Variants in EXOC4 observed in about 807,000 individuals in gnomAD.
EXOC4 encodes SEC8-like 1.
EXOC4 carries 71 observed loss-of-function variants against 107.2 expected under a neutral mutation model. That is an observed-to-expected ratio of 0.66 (90% CI 0.55 to 0.81). The LOEUF is 0.81. EXOC4 is among the 30% of genes least tolerant of loss of function. The pLI, the probability that EXOC4 is intolerant of heterozygous loss-of-function variation, is 0.00. For synonymous variants in EXOC4, 456 were observed against 441.2 expected (o/e 1.03, Z -0.42); for missense variants, 1,108 against 1,189.6 (o/e 0.93, Z 1.01).
intron 9 of EXOC4, among the ~76,000 whole-genome samples, chr7:133,608,355 C>T (rs1385039448): frequency 1.3e-4 from 19 of 151,696 alleles, no homozygotes; most frequent in Non-Finnish European, 1.5e-5. Context: ...CAGAATAGAT[C>T]TATATTTGTT....
intron 16 of EXOC4, among the ~76,000 whole-genome samples, chr7:134,006,292 AAAACAAAC>A (rs970274569): frequency 2.0e-5 from 3 of 151,996 alleles, no homozygotes; most frequent in Non-Finnish European, 2.9e-5. Flanking sequence ...TGTGGCAGCA[AAAACAAAC>A]AAACAAACAA....
chr7:133,346,556 A>C lies in EXOC4; in HGVS notation c.764-9774A>C, dbSNP rs1795788156. On this transcript the variant is annotated intron_variant, in intron 5 of 17. Transcript: ENST00000253861. ...GCACTCACATTATTTTTAAATGGTAACTTTCTTACTATTTTCTACTTGAGA... is the reference window on the plus strand; with the variant it reads ...GCACTCACATTATTTTTAAATGGTACCTTTCTTACTATTTTCTACTTGAGA... 2.0e-5 allele frequency among the ~76,000 whole-genome samples: 3 copies of C among 152,256 alleles called. No individual in the cohort carries two copies. In the South Asian group the frequency reaches 6.2e-4, roughly 32 times the overall value.
At chr7:134,044,706 G>T (rs1795605508) in intron 17 of EXOC4, among the ~76,000 whole-genome samples, 1 of 152,196 alleles carries the variant, frequency 6.6e-6, no homozygotes, top group Non-Finnish European at 1.5e-5. Context: ...CACACTTGGA[G>T]CAGTCATCTG....
In EXOC4 at chr7:133,685,062, T is replaced by A. The variant is rs193064568; in HGVS notation, c.1514+54921T>A. ...TCAATTTAGGCCTTTGTTCTTCCCATGGATAAAGTCTTCTAAAACATGAGT... is the reference window on the plus strand; with the variant it reads ...TCAATTTAGGCCTTTGTTCTTCCCAAGGATAAAGTCTTCTAAAACATGAGT... On this transcript the variant is annotated intron_variant, in intron 10 of 17. Transcript: ENST00000253861. Among the ~76,000 whole-genome samples the A allele has an allele frequency of 4.6e-5, 7 of 152,308 alleles. No homozygotes were observed. The East Asian group carries it at 1.3e-3, about 29-fold the overall frequency.
At chr7:133,949,738 A>T (rs913360247) in intron 14 of EXOC4, among the ~76,000 whole-genome samples, 3 of 151,262 alleles carry the variant, frequency 2.0e-5, no homozygotes, top group African/African-American at 7.3e-5. Flanking sequence ...TGCATTGTTC[A>T]TTATTTAGTG....
At chr7:133,842,270 G>C (rs1798038641) in intron 11 of EXOC4, among the ~76,000 whole-genome samples, 1 of 152,168 alleles carries the variant, frequency 6.6e-6, no homozygotes, top group African/African-American at 2.4e-5. Context: ...ATTTTCATCA[G>C]CAGTGTGTAA....
chr7:133,287,604 C>T (rs1439163539), intron 2 of EXOC4, among the ~76,000 whole-genome samples: 1 of 152,130 alleles, frequency 6.6e-6, no homozygotes, highest in East Asian at 1.9e-4. Flanking sequence ...TGAGCCACTG[C>T]GCCTGGCCTA....
At chr7:133,718,308 G>C (rs1285451323) in intron 10 of EXOC4, among the ~76,000 whole-genome samples, 6 of 152,168 alleles carry the variant, frequency 3.9e-5, no homozygotes. Context: ...GAATACAGAG[G>C]CTACTTAGGA....
At chr7:133,846,180 C>G (rs1798123834) in intron 11 of EXOC4, among the ~76,000 whole-genome samples, 1 of 152,196 alleles carries the variant, frequency 6.6e-6, no homozygotes, top group Admixed American at 6.5e-5. Context: ...CAAGCTGAGA[C>G]TAGAATTTCA....
intron 7 of EXOC4, among the ~76,000 whole-genome samples, chr7:133,435,914 G>A (rs1466599879): frequency 1.3e-5 from 2 of 151,792 alleles, no homozygotes; most frequent in Non-Finnish European, 2.9e-5. Context: ...TGAAGCAAGT[G>A]GGTTTTTTCT....
At chr7:133,469,669 A>G (rs1394310070) in intron 7 of EXOC4, among the ~76,000 whole-genome samples, 1 of 152,216 alleles carries the variant, frequency 6.6e-6, no homozygotes, top group Non-Finnish European at 1.5e-5. Context: ...CTATAAAGAC[A>G]TACTGCAAAC....
At position 133,931,769 on chromosome 7, in the gene EXOC4, T is replaced by C. The variant is rs147283218; in HGVS notation, c.2028-6122T>C. Among the ~76,000 whole-genome samples the C allele has an allele frequency of 2.4e-4, 36 of 152,332 alleles. No individual in the cohort carries two copies. In the East Asian group the frequency reaches 6.0e-3, roughly 25 times the overall value. ...GGAGAAGCTGTTCGAATCCTGGTGT[T>C]CTGCTACCAACCCAGCCTCCATAAG... On this transcript the variant is annotated intron_variant, in intron 13 of 17. Coordinates refer to ENST00000253861, the MANE Select transcript of EXOC4 (RefSeq NM_021807.4).
At chr7:133,558,243 TTTC>T (rs1438298692) in intron 9 of EXOC4, among the ~76,000 whole-genome samples, 1 of 147,432 alleles carries the variant, frequency 6.8e-6, no homozygotes, top group Non-Finnish European at 1.5e-5. Flanking sequence ...TTTCTTTTCT[TTTC>T]TTTTCTTTTC....
chr7:134,049,877 C>T (rs1161884680), intron 17 of EXOC4, among the ~76,000 whole-genome samples: 1 of 152,144 alleles, frequency 6.6e-6, no homozygotes, highest in Non-Finnish European at 1.5e-5. Context: ...TACAAAGAGT[C>T]ATAAGACACA....
At chr7:133,767,887 G>T (rs1413912438) in intron 10 of EXOC4, among the ~76,000 whole-genome samples, 1 of 151,976 alleles carries the variant, frequency 6.6e-6, no homozygotes, top group Non-Finnish European at 1.5e-5. Flanking sequence ...TCATAGTCTG[G>T]TAGACAACCT....
chr7:133,923,232 G>C (rs10251418), intron 13 of EXOC4, among the ~76,000 whole-genome samples: 1 of 150,750 alleles, frequency 6.6e-6, no homozygotes, highest in Non-Finnish European at 1.5e-5. Flanking sequence ...GGTTTCAAGA[G>C]ATTCTCCTGC....
At chr7:134,053,766 C>T (rs11977008) in intron 17 of EXOC4, among the ~76,000 whole-genome samples, 26,691 of 151,460 alleles carry the variant, frequency 0.18, 2,694 homozygotes, top group African/African-American at 0.27. Context: ...CCAGAATCTC[C>T]TTTAATCTTC....
intron 8 of EXOC4, among the ~76,000 whole-genome samples, chr7:133,475,774 A>G (rs1000208953): frequency 6.6e-6 from 1 of 152,186 alleles, no homozygotes. Flanking sequence ...ATTTTATATG[A>G]AATGAAAGGA....
chr7:134,013,528 ATAGATTT>A (rs1794822635), intron 17 of EXOC4, among the ~76,000 whole-genome samples: 1 of 152,204 alleles, frequency 6.6e-6, no homozygotes, highest in African/African-American at 2.4e-5. Flanking sequence ...TGAATGAACT[ATAGATTT>A]TAGTTAAAAT....
Sources: gnomAD v4.1 joint callset for allele counts (sites outside exome capture counted in the v4.1 genomes callset) on GRCh38, gnomAD v4.1.1 for gene constraint, MANE v1.5 for transcripts, NCBI Gene and HGNC (gene_info 2026-07-23, HGNC 2026-07-21) for gene names.